The following SAP30BP variants were observed in gnomAD, a reference collection of about 807,000 sequenced individuals.
SAP30BP encodes SAP30 binding protein.
A neutral mutation model predicts 46.3 loss-of-function variants in SAP30BP; 31 were observed. That is an observed-to-expected ratio of 0.67 (90% CI 0.50 to 0.90). The LOEUF (loss-of-function observed/expected upper bound fraction) is 0.90. SAP30BP is among the 40% of genes least tolerant of loss of function. SAP30BP has a pLI of 0.00. For synonymous variants in SAP30BP, 169 were observed against 144.2 expected (o/e 1.17, Z -1.23); for missense variants, 312 against 391.0 (o/e 0.80, Z 1.70).
chr17:75,675,260 C>T (rs374596616), intron 3 of SAP30BP, among the ~76,000 whole-genome samples: 1 of 152,188 alleles, frequency 6.6e-6, no homozygotes, highest in Non-Finnish European at 1.5e-5. Context: ...AAGCCATTCT[C>T]CTGCCTCAGC....
chr17:75,682,770 T>C (rs555980138), intron 3 of SAP30BP, among the ~76,000 whole-genome samples: 34 of 145,410 alleles, frequency 2.3e-4, no homozygotes, highest in Middle Eastern at 6.9e-3. Context: ...AAGACCATCC[T>C]GGCCAACATA....
At chr17:75,675,680 C>T (rs2059979201) in intron 3 of SAP30BP, among the ~76,000 whole-genome samples, 2 of 151,982 alleles carry the variant, frequency 1.3e-5, no homozygotes, top group South Asian at 2.1e-4. Context: ...TTTGGGAGGC[C>T]GAGGTGGGCA....
intron 7 of SAP30BP, 181 bp downstream of exon 7, chr17:75,703,552 G>A (rs371747704): frequency 6.9e-5 from 45 of 648,606 alleles, no homozygotes; most frequent in Admixed American, 5.6e-4. Flanking sequence ...AAGAGATTCC[G>A]GTGGCCGGCC....
At chr17:75,675,060 A>G (rs1450905790) in intron 3 of SAP30BP, among the ~76,000 whole-genome samples, 2 of 151,890 alleles carry the variant, frequency 1.3e-5, no homozygotes, top group Non-Finnish European at 2.9e-5. Flanking sequence ...GATCTTTGTT[A>G]GAAGTGTTGT....
intron 3 of SAP30BP, among the ~76,000 whole-genome samples, chr17:75,682,961 C>G (rs377447062): frequency 6.2e-5 from 4 of 64,134 alleles, no homozygotes; most frequent in Non-Finnish European, 1.2e-4. Context: ...GACTTCGTCT[C>G]AAAAAAAAAA....
intron 4 of SAP30BP, among the ~76,000 whole-genome samples, chr17:75,696,792 G>A (rs1429980599): frequency 7.4e-6 from 1 of 134,968 alleles, no homozygotes; most frequent in Non-Finnish European, 1.6e-5. Context: ...TTTTGGAGAC[G>A]GGGTCTGGCT....
intron 2 of SAP30BP, among the ~76,000 whole-genome samples, chr17:75,668,958 T>C (rs1231250789): frequency 1.3e-5 from 2 of 152,236 alleles, no homozygotes; most frequent in African/African-American, 4.8e-5. Context: ...CTAACTGGTG[T>C]ATCATTTATA....
chr17:75,674,003 AC>A (rs1190889924), intron 3 of SAP30BP, among the ~76,000 whole-genome samples: 1 of 152,172 alleles, frequency 6.6e-6, no homozygotes, highest in African/African-American at 2.4e-5. Flanking sequence ...ACAAAATCCA[AC>A]CCTCAAAGTC....
chr17:75,702,854 C>T (rs2060434461), intron 6 of SAP30BP: 1 of 321,700 alleles, frequency 3.1e-6, no homozygotes, highest in African/African-American at 2.1e-5. Flanking sequence ...AAGCACATGA[C>T]CTCTCAAGTC....
intron 8 of SAP30BP, 47 bp downstream of exon 8, chr17:75,703,906 T>C: frequency 7.4e-7 from 1 of 1,352,730 alleles, no homozygotes; most frequent in Non-Finnish European, 1.1e-6. Context: ...CCCACCCGAC[T>C]GTCCCTTTAT....
At chr17:75,705,094 A>G (rs946900687) in intron 9 of SAP30BP, 15 of 432,348 alleles carry the variant, frequency 3.5e-5, no homozygotes, top group African/African-American at 2.8e-4. Flanking sequence ...GTTTTGGGTC[A>G]TGGGGGCCCT....
intron 3 of SAP30BP, among the ~76,000 whole-genome samples, chr17:75,679,016 C>G (rs374477424): frequency 7.6e-6 from 1 of 131,860 alleles, no homozygotes; most frequent in African/African-American, 2.9e-5. Flanking sequence ...TTTTTTGAGA[C>G]GGAGTCTCGT....
chr17:75,698,767 G>A (rs997107613), intron 4 of SAP30BP, among the ~76,000 whole-genome samples: 1 of 152,218 alleles, frequency 6.6e-6, no homozygotes, highest in Admixed American at 6.5e-5. Context: ...CTTGAAATTG[G>A]CCATGGCAGG....
At chr17:75,677,432 C>CAT (rs1555718660) in intron 3 of SAP30BP, among the ~76,000 whole-genome samples, 1 of 118,304 alleles carries the variant, frequency 8.5e-6, no homozygotes, top group Non-Finnish European at 1.7e-5. Flanking sequence ...GTGAAACTGG[C>CAT]TTTTTTTTTT....
intron 2 of SAP30BP, among the ~76,000 whole-genome samples, chr17:75,669,254 A>T (rs889508071): frequency 7.4e-5 from 11 of 149,564 alleles, no homozygotes; most frequent in African/African-American, 1.2e-4. Flanking sequence ...ACCTATTATT[A>T]TTTTTTTTTG....
chr17:75,691,365 A>T, intron 3 of SAP30BP: 1 of 450,592 alleles, frequency 2.2e-6, no homozygotes, highest in Admixed American at 2.5e-5. Flanking sequence ...ACTTCCTGTG[A>T]TTTTGCCCCA....
intron 3 of SAP30BP, among the ~76,000 whole-genome samples, chr17:75,683,378 A>T (rs979773405): frequency 6.6e-6 from 1 of 152,038 alleles, no homozygotes; most frequent in African/African-American, 2.4e-5. Context: ...AATTTTTTAA[A>T]TATTCCAAAT....
intron 3 of SAP30BP, chr17:75,692,487 T>C (rs998690549): frequency 1.5e-5 from 15 of 985,476 alleles, no homozygotes; most frequent in Non-Finnish European, 1.8e-5. Context: ...TAACTGGCTT[T>C]GAGGGGCTGG....
At chr17:75,705,532 G>A (rs2060482773) in intron 9 of SAP30BP, 1 of 768,530 alleles carries the variant, frequency 1.3e-6, no homozygotes, top group African/African-American at 1.9e-5. Context: ...CTGGTGCAAG[G>A]GGATAGTTGG....
Sources: allele counts gnomAD v4.1 joint callset (sites outside exome capture counted in the v4.1 genomes callset), GRCh38; gene constraint gnomAD v4.1.1; transcripts MANE v1.5; gene names NCBI Gene and HGNC (gene_info 2026-07-23, HGNC 2026-07-21).